Variants in ARX observed in about 807,000 individuals in gnomAD.
The protein encoded by ARX is aristaless related homeobox, also known as homeobox protein ARX.
Under a neutral mutation model 23.1 loss-of-function variants are expected in ARX, and 1 was observed. The ratio of observed to expected loss-of-function variants is 0.04; its 90% confidence interval spans 0.02 to 0.21. The LOEUF (loss-of-function observed/expected upper bound fraction) is 0.21, where lower values mean the gene tolerates loss of function less well. Among genes scored for constraint, ARX ranks in the 10% least tolerant of loss-of-function variants. ARX has a pLI of 1.00. For synonymous variants in ARX, 301 were observed against 270.1 expected, an observed-to-expected ratio of 1.11 and a Z score of -1.12; for missense variants, 380 against 527.5, an observed-to-expected ratio of 0.72 and a Z score of 2.74.
Position 25,013,666 on chromosome X carries a change from G to T in ARX, c.329C>A (p.Ala110Glu). The change falls in exon 2 of 5, where the codon GCG becomes GAG. Residue 110 changes from alanine to glutamate, a missense_variant. Physicochemically the swap from Ala to Glu is moderately radical, Grantham distance 107. This residue lies in a region of ARX where 235 missense variants were observed against 270.2 expected (regional missense o/e 0.87). Coordinates refer to ENST00000379044, the MANE Select transcript of ARX (RefSeq NM_139058.3). Reference sequence around the variant, plus strand: ...CGTGGCCGTGGCGGCCGCTGCCGCCGCCGCCGCCGCCGCCGCCGCCGCCGC... The same window carrying T: ...CGTGGCCGTGGCGGCCGCTGCCGCCTCCGCCGCCGCCGCCGCCGCCGCCGC... ...AAAAAAAAAA[A>E]AAAAATATAG... The T allele has an allele frequency of 1.3e-6, 1 of 788,598 alleles. No individual in the cohort carries two copies. The highest frequency in any genetic ancestry group is 2.3e-5 in the African/African-American group (1 of 43,927). The allele number at this position is 788,598 out of a possible 1,213,427, so 65.0% of individuals were successfully genotyped here.
chrX:25,014,451 G>T (rs747028070), intron 1 of ARX, among the ~76,000 whole-genome samples: 5 of 113,288 alleles, frequency 4.4e-5, no homozygotes, highest in African/African-American at 1.6e-4. Flanking sequence ...GACCGCTGCG[G>T]GGCGGGGTGG....
chrX:25,004,950 C>A, intron 4 of ARX, 40 bp from the exon 5 acceptor site: 1 of 1,077,106 alleles, frequency 9.3e-7, no homozygotes, highest in Non-Finnish European at 1.2e-6. Flanking sequence ...GCCTCGGGAG[C>A]TGTGCGCGGC....
At chrX:25,009,261 TA>T (rs1308176755) in intron 3 of ARX, among the ~76,000 whole-genome samples, 1 of 111,840 alleles carries the variant, frequency 8.9e-6, no homozygotes, top group Non-Finnish European at 1.9e-5. Flanking sequence ...CATATTCACT[TA>T]ATTACATCTT....
chrX:25,015,373 G>C (rs1483924438), intron 1 of ARX, among the ~76,000 whole-genome samples, 169 bp downstream of exon 1: 1 of 112,492 alleles, frequency 8.9e-6, no homozygotes, highest in Admixed American at 9.3e-5. Context: ...GGGAGGGAGA[G>C]ACAGCCCTGG....
At chrX:25,009,506 T>C (rs2048692978) in intron 3 of ARX, among the ~76,000 whole-genome samples, 1 of 111,535 alleles carries the variant, frequency 9.0e-6, no homozygotes, top group Admixed American at 9.5e-5. Context: ...TATTGTGCTT[T>C]ATCAGCGCTT....
At position 25,004,592 on chromosome X, in the gene ARX, T is replaced by G; in HGVS notation, c.*78A>C. Reference sequence around the variant, plus strand: ...GTCTCGGGAGTGTGCTGGTCCTCTGTTTCCATTTGGTCTTGAGTGGTGCTG... The same window carrying G: ...GTCTCGGGAGTGTGCTGGTCCTCTGGTTCCATTTGGTCTTGAGTGGTGCTG... On this transcript the variant is annotated 3_prime_UTR_variant, in exon 5 of 5. Coordinates refer to ENST00000379044, the MANE Select transcript of ARX (RefSeq NM_139058.3). 1 of 1,153,473 alleles carries G rather than the reference T, an allele frequency of 8.7e-7. No homozygotes were observed. Among genetic ancestry groups the G allele is most frequent in the Non-Finnish European group, 1.2e-6 (1 of 867,593 alleles).
In ARX at chrX:25,013,192, A is replaced by C. The variant is rs398124518; in HGVS notation, c.803T>G (p.Val268Gly). ...ALLKEPRRCP[V>G]AATGAVAAAA... ...TGCGGCCACGGCGCCAGTGGCGGCCACAGGACAGCGCCGGGGCTCCTTGAG... is the reference window on the plus strand; with the variant it reads ...TGCGGCCACGGCGCCAGTGGCGGCCCCAGGACAGCGCCGGGGCTCCTTGAG... The change falls in exon 2 of 5, where the codon GTG (valine) becomes GGG (glycine). Residue 268 changes from valine (V) to glycine (G), a missense_variant. Physicochemically the swap from Val to Gly is moderately radical, Grantham distance 109. Coordinates refer to ENST00000379044, the MANE Select transcript of ARX (RefSeq NM_139058.3). 8.5e-7 allele frequency: 1 copy of C among 1,178,488 alleles called. No individual in the cohort carries two copies. The highest frequency in any genetic ancestry group is 3.1e-4 in the Middle Eastern group (1 of 3,262).
chrX:25,012,260 A>G (rs901438901), intron 2 of ARX, among the ~76,000 whole-genome samples: 4 of 112,689 alleles, frequency 3.5e-5, no homozygotes, highest in African/African-American at 1.3e-4. Flanking sequence ...GTAGAAGGGG[A>G]GATTCTGGCT....
intron 2 of ARX, among the ~76,000 whole-genome samples, chrX:25,012,630 TGTTTC>T (rs1291255879): frequency 8.8e-6 from 1 of 113,405 alleles, no homozygotes; most frequent in Non-Finnish European, 1.9e-5. Context: ...TTGGAGAGGC[TGTTTC>T]TTTTCCTCTC....
At position 25,013,662 on chromosome X, in the gene ARX, C is replaced by G. The variant is rs1293869187; in HGVS notation, c.333G>C (p.Ala111=). ...CCGCCGTGGCCGTGGCGGCCGCTGC[C>G]GCCGCCGCCGCCGCCGCCGCCGCCG... ...AAAAAAAAAA[A]AAAATATAGP... Residue 111 remains alanine, a synonymous_variant, in exon 2 of 5, where the codon GCG becomes GCC. Coordinates refer to ENST00000379044, the MANE Select transcript of ARX (RefSeq NM_139058.3). 1 of 738,714 alleles carries G rather than the reference C, an allele frequency of 1.4e-6. No individual in the cohort carries two copies. The highest frequency in any genetic ancestry group is 1.6e-6 in the Non-Finnish European group (1 of 625,482). The allele number at this position is 738,714 out of a possible 1,213,427, so 60.9% of individuals were successfully genotyped here. A position where few individuals can be genotyped will look rare whatever the true frequency, so the allele number is the denominator to read the frequency against.
Position 25,013,621 on chromosome X carries a change from G to A in ARX, c.374C>T (p.Ala125Val), listed in dbSNP as rs1237070803. The A allele has an allele frequency of 2.7e-6, 2 of 750,743 alleles. No homozygotes were observed. The highest frequency in any genetic ancestry group is 3.1e-6 in the Non-Finnish European group (2 of 639,150). 61.9% of individuals were successfully genotyped at this position (750,743 alleles called of 1,213,427 possible). Residue 125 changes from alanine to valine, a missense_variant, in exon 2 of 5, where the codon GCC becomes GTC. Physicochemically the swap from Ala to Val is moderately conservative, Grantham distance 64. Transcript: ENST00000379044. Reference sequence around the variant, plus strand: ...CGCGGTTGGCGGTGGCGGCGGAGGGGCCTCCCCGCGTGGACCCGCCGTGGC... The same window carrying A: ...CGCGGTTGGCGGTGGCGGCGGAGGGACCTCCCCGCGTGGACCCGCCGTGGC... ...ATATAGPRGE[A>V]PPPPPPTARP...
chrX:25,008,405 T>A (rs2048688000), intron 3 of ARX, among the ~76,000 whole-genome samples: 1 of 112,939 alleles, frequency 8.9e-6, no homozygotes, highest in South Asian at 3.6e-4. Flanking sequence ...GCTATTTAAA[T>A]AAGATAGTTT....
intron 3 of ARX, among the ~76,000 whole-genome samples, chrX:25,007,967 A>G (rs1340039233): frequency 1.8e-5 from 2 of 111,877 alleles, no homozygotes; most frequent in Non-Finnish European, 3.8e-5. Context: ...GTTTTACTGC[A>G]TATCAGCTAT....
chrX:25,011,395 GCCC>G (rs2048702137), intron 2 of ARX, among the ~76,000 whole-genome samples: 1 of 112,234 alleles, frequency 8.9e-6, no homozygotes, highest in Non-Finnish European at 1.9e-5. Flanking sequence ...AAGAGGAGCT[GCCC>G]CTCCTCGTGC....
At chrX:25,014,152 TC>T (rs1255038497) in intron 1 of ARX, among the ~76,000 whole-genome samples, 2 of 108,175 alleles carry the variant, frequency 1.8e-5, no homozygotes, top group African/African-American at 6.8e-5. Context: ...TTTTTCTTTC[TC>T]CCCCTCCCTT....
chrX:25,012,248 GAGT>G (rs1323264750), intron 2 of ARX, among the ~76,000 whole-genome samples: 1 of 112,928 alleles, frequency 8.9e-6, no homozygotes, highest in East Asian at 2.8e-4. Flanking sequence ...AGAGGACAGA[GAGT>G]AGAAGGGGAG....
rs950461742 is a variant in ARX, at chrX:25,007,377, G to A, written c.1182C>T (p.His394=). The change falls in exon 4 of 5, where the codon CAC becomes CAT. Residue 394 remains histidine, a synonymous_variant. Transcript: ENST00000379044. ...RKREKAGAQT[H]PPGLPFPGPL... is the part of the protein sequence containing the mutation. ...GCCCCGGGAAGGGCAGCCCAGGGGG[G>A]TGGGTCTGCGCGCCTGCCTTCTCCC... is the stretch of plus-strand genomic sequence containing the variant. 3 of 1,152,829 alleles carry A rather than the reference G, an allele frequency of 2.6e-6. No individual in the cohort carries two copies. The highest frequency in any genetic ancestry group is 1.8e-5 in the African/African-American group (1 of 54,388).
chrX:25,012,845 C>T (rs1020167290), intron 2 of ARX, 77 bp downstream of exon 2: 12 of 1,167,956 alleles, frequency 1.0e-5, no homozygotes, highest in Non-Finnish European at 1.4e-5. Context: ...GGCCGGGGCC[C>T]CTGCCAGCCC....
At position 25,010,347 on chromosome X, in the gene ARX, C is replaced by T. The variant is rs765021787; in HGVS notation, c.1074-42G>A. On this transcript the variant is annotated intron_variant, in intron 2 of 4. Coordinates refer to ENST00000379044, the MANE Select transcript of ARX (RefSeq NM_139058.3). ...CACAGACAGGAGGTCACTGCAGGCC[C>T]CAGCAATGCCCTCTCAGCTATTTCC... 2.1e-5 allele frequency: 25 copies of T among 1,187,801 alleles called. No individual in the cohort carries two copies. In the East Asian group the frequency reaches 6.8e-4, roughly 33 times the overall value.
Sources: allele counts gnomAD v4.1 joint callset (sites outside exome capture counted in the v4.1 genomes callset), GRCh38; gene constraint gnomAD v4.1.1; regional missense constraint gnomAD v4.1.1; transcripts MANE v1.5; gene names NCBI Gene and HGNC (gene_info 2026-07-23, HGNC 2026-07-21).